The following SEMA5B variants were observed in gnomAD, a reference collection of about 807,000 sequenced individuals.
SEMA5B encodes the protein semaphorin 5B.
In SEMA5B, 66 loss-of-function variants were observed where a neutral mutation model predicts 135.0. The observed-to-expected ratio is 0.49, with a 90% CI of 0.40 to 0.60. SEMA5B has a LOEUF of 0.60. Ranked by LOEUF, SEMA5B falls within the 20% of genes least tolerant of loss-of-function variation. The pLI, the probability that SEMA5B is intolerant of heterozygous loss-of-function variation, is 0.00. For missense variants in SEMA5B, 1,501 were observed against 1,566.3 expected (o/e 0.96, Z 0.70); for synonymous variants, 690 against 639.5 (o/e 1.08, Z -1.19).
At chr3:122,958,719 G>A (rs1452960345) in intron 2 of SEMA5B, among the ~76,000 whole-genome samples, 2 of 152,182 alleles carry the variant, frequency 1.3e-5, no homozygotes, top group African/African-American at 4.8e-5. Context: ...GCAAGGCAGA[G>A]GGAGGAAAGC....
In SEMA5B at chr3:122,938,256, GTGGA is replaced by G. The variant is rs772688109; in HGVS notation, c.474+1165_474+1168del. On this transcript the variant is annotated intron_variant, in intron 5 of 22. Transcript: ENST00000357599. ...TATTCAACAAATGTTTATTGGATGG[GTGGA>G]TGGATGGATGGATGGATGGATGGGC... 4.3e-3 allele frequency among the ~76,000 whole-genome samples: 656 copies of G among 152,142 alleles called. 3 individuals are homozygous for G. Among genetic ancestry groups the G allele is most frequent in the African/African-American group, 7.9e-3 (329 of 41,486 alleles).
chr3:122,924,988 A>T (rs1018390020), intron 9 of SEMA5B, among the ~76,000 whole-genome samples: 9 of 152,328 alleles, frequency 5.9e-5, no homozygotes, highest in African/African-American at 2.2e-4. Flanking sequence ...CCCTACCAGG[A>T]CAGGCACCTG....
intron 4 of SEMA5B, among the ~76,000 whole-genome samples, chr3:122,941,699 A>G (rs997886505): frequency 6.6e-6 from 1 of 152,250 alleles, no homozygotes; most frequent in Non-Finnish European, 1.5e-5. Context: ...TTCAGAGTAG[A>G]GTCTTCGGAT....
At chr3:122,915,306 C>A (rs994024188) in intron 14 of SEMA5B, 134 bp downstream of exon 14, 2 of 773,786 alleles carry the variant, frequency 2.6e-6, no homozygotes, top group African/African-American at 3.5e-5. Context: ...TATTAGCCAC[C>A]TATCCAGTCC....
intron 21 of SEMA5B, 177 bp downstream of exon 21, chr3:122,911,314 T>C (rs1937686141): frequency 6.6e-7 from 1 of 1,508,104 alleles, no homozygotes; most frequent in Non-Finnish European, 8.9e-7. Context: ...GATGGCCTCC[T>C]AGCTGGGGGG....
At chr3:123,016,523 CAAGAA>C (rs1050692116) in intron 1 of SEMA5B, among the ~76,000 whole-genome samples, 45 of 152,018 alleles carry the variant, frequency 3.0e-4, no homozygotes, top group African/African-American at 8.0e-4. Flanking sequence ...GGAATAATTA[CAAGAA>C]AAAAGTCTCT....
At chr3:123,014,941 C>A (rs1320307268) in intron 1 of SEMA5B, among the ~76,000 whole-genome samples, 1 of 152,150 alleles carries the variant, frequency 6.6e-6, no homozygotes, top group Non-Finnish European at 1.5e-5. Flanking sequence ...GGGTGGGCCC[C>A]AACCCAATAT....
At position 122,913,302 on chromosome 3, in the gene SEMA5B, G is replaced by A; in HGVS notation, c.2403C>T (p.Thr801=). The stretch of plus-strand genomic sequence containing the variant: ...GCGGGTCTGCAAGGGGCGCGCGGCA[G>A]GTGAAGCGGAACCGCTGCTCCTGCC... The part of the protein sequence containing the change: ...GARQEQRFRF[T]CRAPLADPHG... The change falls in exon 17 of 23, where the codon ACC becomes ACT. Residue 801 remains threonine (T), a synonymous_variant. Coordinates refer to ENST00000357599, the MANE Select transcript of SEMA5B (RefSeq NM_001031702.4). 6.3e-7 allele frequency: 1 copy of A among 1,578,268 alleles called. No individual in the cohort carries two copies. The highest frequency in any genetic ancestry group is 8.5e-7 in the Non-Finnish European group (1 of 1,170,890).
intron 1 of SEMA5B, among the ~76,000 whole-genome samples, chr3:123,005,182 C>T (rs1942276685): frequency 6.6e-6 from 1 of 152,126 alleles, no homozygotes; most frequent in African/African-American, 2.4e-5. Context: ...CCTCTTCCTG[C>T]CCACAGCCTT....
At chr3:122,930,033 G>C (rs140819245) in intron 5 of SEMA5B, among the ~76,000 whole-genome samples, 4,518 of 152,316 alleles carry the variant, frequency 0.03, 103 homozygotes, top group Middle Eastern at 0.061. Context: ...TATCTGTCCT[G>C]GGAGAGGGAG....
intron 10 of SEMA5B, 140 bp from the exon 11 acceptor site, chr3:122,922,587 C>CTAGGGG: frequency 4.0e-6 from 3 of 744,008 alleles, no homozygotes; most frequent in East Asian, 2.7e-5. Flanking sequence ...AGCATCCCTG[C>CTAGGGG]TGGGCGTCCT....
chr3:123,002,252 G>C (rs1029777573), intron 1 of SEMA5B, among the ~76,000 whole-genome samples: 6 of 152,164 alleles, frequency 3.9e-5, no homozygotes, highest in African/African-American at 1.4e-4. Flanking sequence ...GGATGGAGGT[G>C]GAGCTCAACT....
At chr3:122,910,808 T>G in intron 22 of SEMA5B, 32 bp downstream of exon 22, 1 of 1,415,906 alleles carries the variant, frequency 7.1e-7, no homozygotes, top group Non-Finnish European at 9.4e-7. Flanking sequence ...AGACTCCGTC[T>G]CAAAAAAAAA....
intron 1 of SEMA5B, among the ~76,000 whole-genome samples, chr3:122,984,833 G>A (rs918978021): frequency 2.6e-5 from 4 of 152,138 alleles, no homozygotes; most frequent in African/African-American, 9.7e-5. Flanking sequence ...TCTGACACAG[G>A]CAATTCCCCA....
intron 1 of SEMA5B, among the ~76,000 whole-genome samples, chr3:123,020,229 G>A (rs570592175): frequency 6.6e-6 from 1 of 152,260 alleles, no homozygotes; most frequent in South Asian, 2.1e-4. Flanking sequence ...TGGCGCATCC[G>A]TATGATGGAA....
At chr3:122,980,737 G>C (rs1941498183) in intron 1 of SEMA5B, among the ~76,000 whole-genome samples, 1 of 152,150 alleles carries the variant, frequency 6.6e-6, no homozygotes, top group African/African-American at 2.4e-5. Flanking sequence ...TCACACTGCT[G>C]TGTACTATCG....
At chr3:122,992,053 G>C (rs186285258) in intron 1 of SEMA5B, among the ~76,000 whole-genome samples, 1 of 152,234 alleles carries the variant, frequency 6.6e-6, no homozygotes, top group East Asian at 1.9e-4. Context: ...TAACCACCAA[G>C]GGGAATGGTT....
At chr3:122,954,765 A>T (rs13084461) in intron 2 of SEMA5B, among the ~76,000 whole-genome samples, 62,592 of 151,078 alleles carry the variant, frequency 0.41, 13,422 homozygotes, top group African/African-American at 0.51. Context: ...CTGGAACAGA[A>T]AAATATGGGC....
At chr3:122,965,355 A>G (rs991955495) in intron 1 of SEMA5B, among the ~76,000 whole-genome samples, 1 of 152,240 alleles carries the variant, frequency 6.6e-6, no homozygotes, top group East Asian at 1.9e-4. Context: ...TTGAAGTTAC[A>G]GGTGCCCAGG....
Sources: gnomAD v4.1 joint callset for allele counts (sites outside exome capture counted in the v4.1 genomes callset) on GRCh38, gnomAD v4.1.1 for gene constraint, MANE v1.5 for transcripts, NCBI Gene and HGNC (gene_info 2026-07-23, HGNC 2026-07-21) for gene names.